INKA2: variants seen among roughly 807,000 people sequenced by gnomAD.
INKA2 encodes PAK4-inhibitor INKA2.
A neutral mutation model predicts 9.8 loss-of-function variants in INKA2; 3 were observed. That is an observed-to-expected ratio of 0.31 (90% confidence interval 0.14 to 0.79). INKA2 has a LOEUF of 0.79. INKA2 is among the 30% of genes least tolerant of loss of function. The pLI, the probability that INKA2 is intolerant of heterozygous loss-of-function variation, is 0.62. For missense variants in INKA2, 392 were observed against 384.4 expected (o/e 1.02, Z -0.17); for synonymous variants, 147 against 143.3 (o/e 1.03, Z -0.18).
intron 1 of INKA2, among the ~76,000 whole-genome samples, chr1:111,751,556 ATCT>A (rs1177204915): frequency 1.3e-5 from 2 of 152,168 alleles, no homozygotes; most frequent in East Asian, 1.9e-4. Flanking sequence ...CAGATTACTA[ATCT>A]TCTTCTGAGG....
In INKA2 at chr1:111,728,903, C is replaced by CTTTT. The variant is rs34918562; in HGVS notation, c.58-1103_58-1100dup. ...CTGGGCAGTGGGCAGTGGAGCTAGG[C>CTTTT]TTTTTTTTTTTTTTTTCAAACAGGG... On this transcript the variant is annotated intron_variant, in intron 1 of 1. Transcript: ENST00000357260. 1.6e-4 allele frequency among the ~76,000 whole-genome samples: 19 copies of CTTTT among 115,570 alleles called. 4 individuals are homozygous for CTTTT. The highest frequency in any genetic ancestry group is 2.9e-4 in the Non-Finnish European group (17 of 59,168). The allele number at this position is 115,570 out of a possible 152,430, so 75.8% of individuals were successfully genotyped here. A position where few individuals can be genotyped will look rare whatever the true frequency, so the allele number is the denominator to read the frequency against.
upstream of INKA2, among the ~76,000 whole-genome samples, chr1:111,740,359 T>A (rs956579471): frequency 6.6e-6 from 1 of 152,038 alleles, no homozygotes; most frequent in African/African-American, 2.4e-5. Context: ...ATAGGCTCGA[T>A]AGGCCGATGG....
upstream of INKA2, chr1:111,739,442 G>A: frequency 1.4e-6 from 2 of 1,435,444 alleles, no homozygotes; most frequent in Non-Finnish European, 1.8e-6. Flanking sequence ...GGGGTGGAGG[G>A]AAAAGTGGGA....
At chr1:111,752,227 C>T (rs935237403) in intron 1 of INKA2, among the ~76,000 whole-genome samples, 1 of 152,220 alleles carries the variant, frequency 6.6e-6, no homozygotes, top group African/African-American at 2.4e-5. Context: ...GAATTCTCTA[C>T]AAGGGCAAAA....
chr1:111,738,932 G>T (rs1663071646), intron 1 of INKA2, among the ~76,000 whole-genome samples: 1 of 152,344 alleles, frequency 6.6e-6, no homozygotes, highest in South Asian at 2.1e-4. Context: ...TCACATTTCA[G>T]CCTGGCTGGC....
chr1:111,726,840 C>A lies in INKA2; in HGVS notation c.*128G>T. Reference sequence around the variant, plus strand: ...TGAGCCAAGAACTCTGGCTTCTCCCCGCTTTCTGGGGGAAAGGAACTTGGA... The same window carrying A: ...TGAGCCAAGAACTCTGGCTTCTCCCAGCTTTCTGGGGGAAAGGAACTTGGA... On this transcript the variant is annotated 3_prime_UTR_variant, in exon 2 of 2. Coordinates refer to ENST00000357260, the MANE Select transcript of INKA2 (RefSeq NM_019099.5). 2 of 995,520 alleles carry A rather than the reference C, an allele frequency of 2.0e-6. No individual in the cohort carries two copies. Among genetic ancestry groups the A allele is most frequent in the Non-Finnish European group, 3.0e-6 (2 of 664,436 alleles). The allele number at this position is 995,520 out of a possible 1,614,324, so 61.7% of individuals were successfully genotyped here. A position where few individuals can be genotyped will look rare whatever the true frequency, so the allele number is the denominator to read the frequency against.
chr1:111,744,827 G>T (rs894912581), intron 1 of INKA2, among the ~76,000 whole-genome samples: 1 of 151,976 alleles, frequency 6.6e-6, no homozygotes, highest in Non-Finnish European at 1.5e-5. Flanking sequence ...TGATCTGCCC[G>T]CCTCGTGCTT....
rs1485925223 is a variant in INKA2 at position 111,725,799 on chromosome 1, C to T, written c.*1169G>A. ...CCAGGCTGGAGTGCAGTGGCATGAT[C>T]TCGCCTCACTGCAACCTCCCTCTCC... On this transcript the variant is annotated 3_prime_UTR_variant, in exon 2 of 2. Coordinates refer to ENST00000357260, the MANE Select transcript of INKA2 (RefSeq NM_019099.5). The T allele has an allele frequency of 4.0e-6, 1 of 249,074 alleles. No homozygotes were observed. The highest frequency in any genetic ancestry group is 7.6e-6 in the Non-Finnish European group (1 of 131,640). 15.4% of individuals were successfully genotyped at this position (249,074 alleles called of 1,614,324 possible).
exon 1 of INKA2, chr1:111,755,778 AG>A: frequency 6.2e-7 from 1 of 1,611,984 alleles, no homozygotes; most frequent in Non-Finnish European, 8.5e-7. Context: ...GCAGTCTCTC[AG>A]CCTCCGACTC....
In INKA2 at chr1:111,726,015, G is replaced by T. The variant is rs1395107310; in HGVS notation, c.*953C>A. On this transcript the variant is annotated 3_prime_UTR_variant, in exon 2 of 2. Transcript: ENST00000357260. ...CCCTCCCAAAGTGCTGGGATTACAG[G>T]CGTGAGCCACAGCGCCCAGCCTGCG... is the stretch of plus-strand genomic sequence containing the variant. The T allele has an allele frequency of 2.0e-5, 8 of 398,444 alleles. No homozygotes were observed. Among genetic ancestry groups the T allele is most frequent in the African/African-American group, 1.6e-4 (8 of 48,632 alleles). The allele number at this position is 398,444 out of a possible 1,614,324, so 24.7% of individuals were successfully genotyped here.
chr1:111,749,889 T>C (rs1663360863), intron 1 of INKA2, among the ~76,000 whole-genome samples: 1 of 152,224 alleles, frequency 6.6e-6, no homozygotes, highest in South Asian at 2.1e-4. Flanking sequence ...ATCTCATTGC[T>C]GCTGACAGCC....
chr1:111,725,027 C>A lies in INKA2; in HGVS notation c.*1941G>T. The stretch of plus-strand genomic sequence containing the variant: ...CGCCTTCCTCCCTCCTGCAGCTCCC[C>A]CACCAAAAATGAAACATCTTACCAT... On this transcript the variant is annotated 3_prime_UTR_variant, in exon 2 of 2. Transcript: ENST00000357260. 1 of 152,326 alleles carries A rather than the reference C, an allele frequency of 6.6e-6. No individual in the cohort carries two copies. The highest frequency in any genetic ancestry group is 1.5e-5 in the Non-Finnish European group (1 of 68,046). The allele number at this position is 152,326 out of a possible 1,614,324, so 9.4% of individuals were successfully genotyped here. A position where few individuals can be genotyped will look rare whatever the true frequency, so the allele number is the denominator to read the frequency against.
upstream of INKA2, among the ~76,000 whole-genome samples, chr1:111,742,349 G>A (rs1156920767): frequency 6.6e-6 from 1 of 152,112 alleles, no homozygotes; most frequent in Non-Finnish European, 1.5e-5. Flanking sequence ...GACTTTGGGA[G>A]GCCGAGGTGG....
intron 1 of INKA2, among the ~76,000 whole-genome samples, chr1:111,745,101 TACTC>T (rs1157519017): frequency 3.3e-5 from 5 of 151,652 alleles, no homozygotes; most frequent in Non-Finnish European, 5.9e-5. Context: ...TGTGGGCTGA[TACTC>T]ACTTCTATAT....
At chr1:111,729,012 C>T (rs982683791) in intron 1 of INKA2, among the ~76,000 whole-genome samples, 3 of 150,226 alleles carry the variant, frequency 2.0e-5, no homozygotes, top group African/African-American at 4.9e-5. Flanking sequence ...CTCCTGGCCT[C>T]AAGTAGTCCT....
rs753218516 is a variant in INKA2 at position 111,724,368 on chromosome 1, C to G, written c.*2600G>C. 6.6e-6 allele frequency: 1 copy of G among 152,210 alleles called. No homozygotes were observed. The highest frequency in any genetic ancestry group is 1.5e-5 in the Non-Finnish European group (1 of 68,046). The allele number at this position is 152,210 out of a possible 1,614,324, so 9.4% of individuals were successfully genotyped here. On this transcript the variant is annotated 3_prime_UTR_variant, in exon 2 of 2. Coordinates refer to ENST00000357260, the MANE Select transcript of INKA2 (RefSeq NM_019099.5). ...GTTCAATTTATCCGAACCACTGTGACCAGTCCACGAAACACGTGAGTTATA... is the reference window on the plus strand; with the variant it reads ...GTTCAATTTATCCGAACCACTGTGAGCAGTCCACGAAACACGTGAGTTATA...
At chr1:111,750,622 A>G (rs1571604121) in intron 1 of INKA2, among the ~76,000 whole-genome samples, 1 of 152,212 alleles carries the variant, frequency 6.6e-6, no homozygotes, top group Non-Finnish European at 1.5e-5. Context: ...ACCAACACCT[A>G]AAGTCCTAGG....
chr1:111,723,209 G>T lies in INKA2; in HGVS notation c.*3759C>A. On this transcript the variant is annotated 3_prime_UTR_variant, in exon 2 of 2. Transcript: ENST00000357260. ...TGTCCAGACCACGTAGGAAACGATG[G>T]TGTGACTTGGGAAAGATGGAGGAGC... The T allele has an allele frequency of 1.6e-6, 1 of 610,416 alleles. No homozygotes were observed. The highest frequency in any genetic ancestry group is 2.9e-6 in the Non-Finnish European group (1 of 340,976). 37.8% of individuals were successfully genotyped at this position (610,416 alleles called of 1,614,324 possible).
At chr1:111,739,559 CG>C, upstream of INKA2, 1 of 610,572 alleles carries the variant, frequency 1.6e-6, no homozygotes, top group Non-Finnish European at 2.4e-6. Flanking sequence ...GCACAGGACC[CG>C]GGCGCAGCCA....
Sources: allele counts gnomAD v4.1 joint callset (sites outside exome capture counted in the v4.1 genomes callset), GRCh38; gene constraint gnomAD v4.1.1; transcripts MANE v1.5; gene names NCBI Gene and HGNC (gene_info 2026-07-23, HGNC 2026-07-21).